Variants in ZNRF2 observed in about 807,000 individuals in gnomAD.
The protein encoded by ZNRF2 is zinc and ring finger 2.
Under a neutral mutation model 20.4 loss-of-function variants are expected in ZNRF2, and 16 were observed. The ratio of observed to expected loss-of-function variants is 0.79; its 90% confidence interval spans 0.53 to 1.19. The LOEUF is 1.19. ZNRF2 is among the 50% of genes most tolerant of loss of function. The probability of loss-of-function intolerance (pLI) is 0.00; values close to 1 mark genes in which losing one functional copy is unlikely to be tolerated. For synonymous variants in ZNRF2, 178 were observed against 144.9 expected (o/e 1.23, Z -1.64); for missense variants, 363 against 332.4 (o/e 1.09, Z -0.72).
chr7:30,300,464 T>C (rs570020074), intron 1 of ZNRF2, among the ~76,000 whole-genome samples: 1 of 152,302 alleles, frequency 6.6e-6, no homozygotes, highest in Admixed American at 6.5e-5. Context: ...CCCAAATGTT[T>C]AATTAATGAT....
In ZNRF2 at chr7:30,358,947, G is replaced by C. The variant is rs140366411; in HGVS notation, c.671+3114G>C. Among the ~76,000 whole-genome samples, 725 of 152,264 alleles carry C rather than the reference G, an allele frequency of 4.8e-3. 3 individuals carry two copies. The highest frequency in any genetic ancestry group is 0.016 in the African/African-American group (685 of 41,546). ...TCATAGAGTATAAGGGTATAAACAA[G>C]TGCTGGCACATACATAATAGATGCT... is the stretch of plus-strand genomic sequence containing the variant. On this transcript the variant is annotated intron_variant, in intron 3 of 4. Transcript: ENST00000323037.
At chr7:30,362,817 A>AGGT (rs1800149384) in intron 4 of ZNRF2, among the ~76,000 whole-genome samples, 1 of 151,832 alleles carries the variant, frequency 6.6e-6, no homozygotes, top group Admixed American at 6.6e-5. Flanking sequence ...CGGGAGGCTG[A>AGGT]GGTACAAGAA....
chr7:30,356,169 T>C (rs1193596032), intron 3 of ZNRF2, among the ~76,000 whole-genome samples: 1 of 152,116 alleles, frequency 6.6e-6, no homozygotes, highest in East Asian at 1.9e-4. Flanking sequence ...GTTACAAGGC[T>C]AGTAAATGGC....
chr7:30,291,660 G>A (rs116965180), intron 1 of ZNRF2, among the ~76,000 whole-genome samples: 1,691 of 152,278 alleles, frequency 0.011, 12 homozygotes, highest in South Asian at 0.034. Context: ...TTCCTTTCAG[G>A]CCTGTTAAAT....
Position 30,346,170 on chromosome 7 carries a change from A to ATTTTTTTTTTTTTTTT in ZNRF2, c.566-9539_566-9524dup, listed in dbSNP as rs70980598. 8.4e-5 allele frequency among the ~76,000 whole-genome samples: 2 copies of ATTTTTTTTTTTTTTTT among 23,704 alleles called. 1 individual carries two copies. The highest frequency in any genetic ancestry group is 2.0e-4 in the Non-Finnish European group (2 of 10,192). 15.6% of individuals were successfully genotyped at this position (23,704 alleles called of 152,430 possible). On this transcript the variant is annotated intron_variant, in intron 2 of 4. Transcript: ENST00000323037. ...TGTTTTTTTTTTTCTGTTAAGTCTG[A>ATTTTTTTTTTTTTTTT]TTTTTTTTTTTTTTTTTTTTTTTTT...
chr7:30,365,393 A>G (rs756887228), intron 4 of ZNRF2, among the ~76,000 whole-genome samples: 1 of 152,092 alleles, frequency 6.6e-6, no homozygotes, highest in Non-Finnish European at 1.5e-5. Context: ...CTGAATTTGA[A>G]ACTAGCCTAC....
intron 1 of ZNRF2, among the ~76,000 whole-genome samples, chr7:30,304,494 T>C (rs1799170073): frequency 6.6e-6 from 1 of 152,236 alleles, no homozygotes; most frequent in Non-Finnish European, 1.5e-5. Flanking sequence ...CAAATTATTT[T>C]GGTCTTTTAG....
intron 2 of ZNRF2, among the ~76,000 whole-genome samples, chr7:30,342,790 C>T (rs1160098805): frequency 3.3e-5 from 5 of 151,882 alleles, no homozygotes; most frequent in Admixed American, 6.6e-5. Flanking sequence ...TCAAAGGTTC[C>T]GATAAGTAGT....
intron 2 of ZNRF2, among the ~76,000 whole-genome samples, chr7:30,324,753 T>G (rs1799526332): frequency 6.6e-6 from 1 of 152,168 alleles, no homozygotes; most frequent in Non-Finnish European, 1.5e-5. Flanking sequence ...TAAAATGTAA[T>G]GTTCATAATG....
chr7:30,302,859 A>G (rs1417296274), intron 1 of ZNRF2, among the ~76,000 whole-genome samples: 1 of 152,188 alleles, frequency 6.6e-6, no homozygotes, highest in Non-Finnish European at 1.5e-5. Context: ...GTCAGGGCCC[A>G]CAGAGCAAAA....
intron 2 of ZNRF2, among the ~76,000 whole-genome samples, chr7:30,343,935 T>TTTA (rs1168775608): frequency 6.9e-6 from 1 of 145,660 alleles, no homozygotes; most frequent in Non-Finnish European, 1.5e-5. Flanking sequence ...TTTTTTTTTT[T>TTTA]AATAGACCGA....
intron 2 of ZNRF2, among the ~76,000 whole-genome samples, chr7:30,344,581 C>T (rs1799847988): frequency 6.6e-6 from 1 of 152,004 alleles, no homozygotes; most frequent in Non-Finnish European, 1.5e-5. Context: ...CCCATCCATC[C>T]TCACCTCTTT....
intron 4 of ZNRF2, among the ~76,000 whole-genome samples, chr7:30,362,803 T>G (rs899743808): frequency 1.3e-5 from 2 of 152,116 alleles, no homozygotes; most frequent in African/African-American, 4.8e-5. Context: ...TAATCCGAGC[T>G]ACTCGGGAGG....
chr7:30,285,927 G>A lies in ZNRF2; in HGVS notation c.469+101G>A, dbSNP rs1241450790. The A allele has an allele frequency of 8.3e-6, 11 of 1,325,618 alleles. No homozygotes were observed. In the South Asian group the frequency reaches 1.9e-4, roughly 23 times the overall value. The allele number at this position is 1,325,618 out of a possible 1,614,324, so 82.1% of individuals were successfully genotyped here. A position where few individuals can be genotyped will look rare whatever the true frequency, so the allele number is the denominator to read the frequency against. ...ACCCTTCTCCTTTTCTCCTTCTGCC[G>A]GGGCGCCGGGGGCTGCCTCCCGGAC... is the stretch of plus-strand genomic sequence containing the variant. On this transcript the variant is annotated intron_variant, in intron 1 of 4. Coordinates refer to ENST00000323037, the MANE Select transcript of ZNRF2 (RefSeq NM_147128.4).
At chr7:30,357,273 C>T (rs182415792) in intron 3 of ZNRF2, among the ~76,000 whole-genome samples, 5 of 152,230 alleles carry the variant, frequency 3.3e-5, no homozygotes, top group East Asian at 1.9e-4. Flanking sequence ...TAAAGCAAAT[C>T]GCAGCAAAGT....
rs13307963 is a variant in ZNRF2 at position 30,296,712 on chromosome 7, G to A, written c.469+10886G>A. ...CACTCTTCCTACCACCTTACCGTAC[G>A]CAGAGTTCTTTGGAGGATTGCCATT... On this transcript the variant is annotated intron_variant, in intron 1 of 4. Coordinates refer to ENST00000323037, the MANE Select transcript of ZNRF2 (RefSeq NM_147128.4). 4.9e-4 allele frequency among the ~76,000 whole-genome samples: 74 copies of A among 152,224 alleles called. No homozygotes were observed. The East Asian group carries it at 0.011, about 23-fold the overall frequency.
chr7:30,284,658 G>C lies in ZNRF2; in HGVS notation c.-700G>C, dbSNP rs1394430773. The C allele has an allele frequency of 6.5e-6, 1 of 153,752 alleles. No individual in the cohort carries two copies. Among genetic ancestry groups the C allele is most frequent in the Admixed American group, 6.5e-5 (1 of 15,282 alleles). 9.5% of individuals were successfully genotyped at this position (153,752 alleles called of 1,614,324 possible). A position where few individuals can be genotyped will look rare whatever the true frequency, so the allele number is the denominator to read the frequency against. On this transcript the variant is annotated 5_prime_UTR_variant, in exon 1 of 5. Transcript: ENST00000323037. ...CTCCGCGGCCTTCCGGCGCGGGGCCGGGGAACCTCCTCCCCATCTGCGCAC... is the reference window on the plus strand; with the variant it reads ...CTCCGCGGCCTTCCGGCGCGGGGCCCGGGAACCTCCTCCCCATCTGCGCAC...
At chr7:30,337,292 G>A (rs1257680622) in intron 2 of ZNRF2, among the ~76,000 whole-genome samples, 1 of 151,926 alleles carries the variant, frequency 6.6e-6, no homozygotes, top group South Asian at 2.1e-4. Context: ...ATGCTTGTTA[G>A]TAACTGTGAA....
intron 1 of ZNRF2, among the ~76,000 whole-genome samples, chr7:30,290,045 T>A (rs1465982172): frequency 6.6e-6 from 1 of 152,178 alleles, no homozygotes; most frequent in Non-Finnish European, 1.5e-5. Context: ...ACATGTAGTA[T>A]TATGTATAAT....
Sources: gnomAD v4.1 joint callset for allele counts (sites outside exome capture counted in the v4.1 genomes callset) on GRCh38, gnomAD v4.1.1 for gene constraint, MANE v1.5 for transcripts, NCBI Gene and HGNC (gene_info 2026-07-23, HGNC 2026-07-21) for gene names.